XIRP2: variants seen among roughly 807,000 people sequenced by gnomAD.
XIRP2 encodes xin actin-binding repeat-containing protein 2.
Under a neutral mutation model 277.0 loss-of-function variants are expected in XIRP2, and 236 were observed. The ratio of observed to expected loss-of-function variants is 0.85; its 90% CI spans 0.77 to 0.95. XIRP2 has a LOEUF of 0.95. Among genes scored for constraint, XIRP2 ranks in the 40% least tolerant of loss-of-function variants. The pLI is 0.00. For synonymous variants in XIRP2, 1,490 were observed against 1,416.5 expected, an observed-to-expected ratio of 1.05 and a Z score of -1.17; for missense variants, 4,640 against 4,157.5, an observed-to-expected ratio of 1.12 and a Z score of -3.19.
chr2:167,024,218 G>A (rs186573562), intron 2 of XIRP2, among the ~76,000 whole-genome samples: 10 of 152,040 alleles, frequency 6.6e-5, no homozygotes, highest in Non-Finnish European at 1.2e-4. Flanking sequence ...TGAAGCAATT[G>A]TGAATGGGAG....
chr2:167,247,563 A>G lies in XIRP2; in HGVS notation c.6171A>G (p.Glu2057=). 6.2e-7 allele frequency: 1 copy of G among 1,613,724 alleles called. No homozygotes were observed. Among genetic ancestry groups the G allele is most frequent in the Non-Finnish European group, 8.5e-7 (1 of 1,179,776 alleles). Residue 2057 remains glutamate (E), a synonymous_variant, in exon 9 of 11, where the codon GAA becomes GAG. Coordinates refer to ENST00000409195, the MANE Select transcript of XIRP2 (RefSeq NM_152381.6). ...CACACCATAAATCTAATGTTTTGGAATCAGGAGACAAAACGGGTGTCTGGA... is the reference window on the plus strand; with the variant it reads ...CACACCATAAATCTAATGTTTTGGAGTCAGGAGACAAAACGGGTGTCTGGA... ...SNSHHKSNVL[E]SGDKTGVWTD...
chr2:167,167,761 AATT>A (rs1692566194), intron 3 of XIRP2, among the ~76,000 whole-genome samples: 1 of 152,174 alleles, frequency 6.6e-6, no homozygotes, highest in Non-Finnish European at 1.5e-5. Flanking sequence ...TATTTTGAAT[AATT>A]ATGTTAGATC....
At chr2:167,059,869 A>G (rs1689135508) in intron 2 of XIRP2, among the ~76,000 whole-genome samples, 1 of 152,190 alleles carries the variant, frequency 6.6e-6, no homozygotes, top group Admixed American at 6.5e-5. Context: ...AGGCTTTACA[A>G]CAGCTTACAC....
At chr2:167,139,195 A>G (rs548178700) in intron 3 of XIRP2, among the ~76,000 whole-genome samples, 3 of 151,960 alleles carry the variant, frequency 2.0e-5, no homozygotes, top group Admixed American at 2.0e-4. Flanking sequence ...AGTCTTAGGT[A>G]CTGGTGTTTG....
At chr2:167,087,914 C>T (rs139975089) in intron 2 of XIRP2, among the ~76,000 whole-genome samples, 11,354 of 152,206 alleles carry the variant, frequency 0.075, 493 homozygotes, top group South Asian at 0.17. Context: ...GCGTCGCTCA[C>T]GCTGGGAGCT....
intron 2 of XIRP2, among the ~76,000 whole-genome samples, chr2:166,910,333 A>T (rs1223793880): frequency 6.6e-6 from 1 of 152,108 alleles, no homozygotes; most frequent in Non-Finnish European, 1.5e-5. Context: ...TTCCTGGTTT[A>T]GTCTTGGGAG....
chr2:166,906,568 G>A (rs1275644574), intron 2 of XIRP2, among the ~76,000 whole-genome samples: 3 of 151,982 alleles, frequency 2.0e-5, no homozygotes, highest in Non-Finnish European at 4.4e-5. Context: ...AAACAAAGGG[G>A]AAATGTACAT....
At chr2:167,020,533 A>G (rs886330701) in intron 2 of XIRP2, among the ~76,000 whole-genome samples, 1 of 151,958 alleles carries the variant, frequency 6.6e-6, no homozygotes, top group African/African-American at 2.4e-5. Context: ...AAACTCTTCT[A>G]TTCGTATGAT....
Position 167,244,553 on chromosome 2 carries a change from C to A in XIRP2, c.3161C>A (p.Ser1054Tyr). 6.2e-7 allele frequency: 1 copy of A among 1,612,684 alleles called. No individual in the cohort carries two copies. The highest frequency in any genetic ancestry group is 8.5e-7 in the Non-Finnish European group (1 of 1,179,462). Residue 1054 changes from serine to tyrosine, a missense_variant, in exon 9 of 11, where the codon TCT becomes TAT. Coordinates refer to ENST00000409195, the MANE Select transcript of XIRP2 (RefSeq NM_152381.6). ...AQEIQTGNVKSAKWLFETQPL... is the reference protein window; with the variant it reads ...AQEIQTGNVKYAKWLFETQPL... ...GAAATACAGACTGGAAATGTGAAAT[C>A]TGCCAAATGGTTGTTTGAAACCCAA...
At chr2:167,110,549 A>G (rs921621130) in intron 2 of XIRP2, among the ~76,000 whole-genome samples, 3 of 152,134 alleles carry the variant, frequency 2.0e-5, no homozygotes, top group Non-Finnish European at 4.4e-5. Flanking sequence ...TTTTTGTACC[A>G]GTAGCATGCT....
chr2:166,946,853 G>A (rs945354152), intron 2 of XIRP2, among the ~76,000 whole-genome samples: 27 of 152,112 alleles, frequency 1.8e-4, no homozygotes, highest in African/African-American at 6.0e-4. Context: ...TATAAAACTG[G>A]TTTAATATCC....
At chr2:166,905,756 A>G (rs1376459010) in intron 2 of XIRP2, among the ~76,000 whole-genome samples, 5 of 151,970 alleles carry the variant, frequency 3.3e-5, no homozygotes, top group Admixed American at 3.3e-4. Flanking sequence ...TAAATTCTAC[A>G]ACAAAGGGGA....
chr2:166,907,759 C>A (rs1465044326), intron 2 of XIRP2, among the ~76,000 whole-genome samples: 1 of 108,142 alleles, frequency 9.2e-6, no homozygotes, highest in Non-Finnish European at 1.8e-5. Flanking sequence ...GCTATCCCTC[C>A]CCCCCTCCCC....
At chr2:167,207,446 A>C (rs1274738229) in intron 3 of XIRP2, among the ~76,000 whole-genome samples, 1 of 152,168 alleles carries the variant, frequency 6.6e-6, no homozygotes, top group African/African-American at 2.4e-5. Flanking sequence ...GTCGCTATTC[A>C]ATCCTTTCTG....
At chr2:167,224,032 G>T (rs1272759300) in intron 5 of XIRP2, among the ~76,000 whole-genome samples, 3 of 152,104 alleles carry the variant, frequency 2.0e-5, no homozygotes, top group Non-Finnish European at 4.4e-5. Context: ...ACAGTCCAAT[G>T]TCAAGGTGCT....
chr2:167,239,062 A>C (rs1694981402), intron 5 of XIRP2, among the ~76,000 whole-genome samples: 1 of 152,178 alleles, frequency 6.6e-6, no homozygotes, highest in African/African-American at 2.4e-5. Flanking sequence ...CTAGCATAAT[A>C]ATTTATATTG....
At chr2:167,164,377 C>T (rs894701055) in intron 3 of XIRP2, among the ~76,000 whole-genome samples, 17 of 134,348 alleles carry the variant, frequency 1.3e-4, no homozygotes, top group Non-Finnish European at 2.0e-4. Flanking sequence ...ACCCGGGAGG[C>T]GGAGCTTGCA....
In XIRP2 at chr2:167,249,842, G is replaced by C; in HGVS notation, c.8450G>C (p.Gly2817Ala). ...GGATCTGACAGAGGGAAACTTCCAG[G>C]AAGTGAAGAAAAAAATCAGGGACCA... is the stretch of plus-strand genomic sequence containing the variant. ...FSGSDRGKLP[G>A]SEEKNQGPSM... Residue 2817 changes from glycine (G) to alanine (A), a missense_variant, in exon 9 of 11, where the codon GGA becomes GCA. Transcript: ENST00000409195. 1 of 1,613,372 alleles carries C rather than the reference G, an allele frequency of 6.2e-7. No homozygotes were observed. The highest frequency in any genetic ancestry group is 1.1e-5 in the South Asian group (1 of 91,070).
chr2:167,038,315 A>G (rs1036309344), intron 2 of XIRP2, among the ~76,000 whole-genome samples: 4 of 151,988 alleles, frequency 2.6e-5, no homozygotes, highest in African/African-American at 9.7e-5. Flanking sequence ...CCAATTGTAA[A>G]TGAAGCTAAA....
Sources: allele counts gnomAD v4.1 joint callset (sites outside exome capture counted in the v4.1 genomes callset), GRCh38; gene constraint gnomAD v4.1.1; transcripts MANE v1.5; gene names NCBI Gene and HGNC (gene_info 2026-07-23, HGNC 2026-07-21).